GABRG3: variants seen among roughly 807,000 people sequenced by gnomAD.
The protein encoded by GABRG3 is gamma-aminobutyric acid type A receptor subunit gamma3.
GABRG3 carries 25 observed loss-of-function variants against 48.8 expected under a neutral mutation model. That is an observed-to-expected ratio of 0.51 (90% CI 0.37 to 0.72). The LOEUF (loss-of-function observed/expected upper bound fraction) is 0.72, where lower values mean the gene tolerates loss of function less well. Ranked by LOEUF, GABRG3 falls within the 30% of genes least tolerant of loss-of-function variation. The pLI, the probability that GABRG3 is intolerant of heterozygous loss-of-function variation, is 0.00. For missense variants in GABRG3, 394 were observed against 577.9 expected, an observed-to-expected ratio of 0.68 and a Z score of 3.26; for synonymous variants, 227 against 217.6, an observed-to-expected ratio of 1.04 and a Z score of -0.38.
At chr15:27,003,377 C>A (rs866149477) in intron 2 of GABRG3, among the ~76,000 whole-genome samples, 4 of 151,622 alleles carry the variant, frequency 2.6e-5, no homozygotes, top group Non-Finnish European at 4.4e-5. Context: ...CGGCCTTCCG[C>A]AGTGTTTGTG....
intron 3 of GABRG3, among the ~76,000 whole-genome samples, chr15:27,058,252 A>C (rs1048307985): frequency 6.6e-6 from 1 of 152,192 alleles, no homozygotes; most frequent in African/African-American, 2.4e-5. Flanking sequence ...AGGTGTTCCC[A>C]TTTACGGTGC....
At chr15:27,262,155 C>T (rs902384633) in intron 3 of GABRG3, among the ~76,000 whole-genome samples, 1 of 152,120 alleles carries the variant, frequency 6.6e-6, no homozygotes, top group African/African-American at 2.4e-5. Context: ...ACCATGTGTC[C>T]CTGAAGGAGA....
intron 3 of GABRG3, among the ~76,000 whole-genome samples, chr15:27,221,689 C>A (rs979022511): frequency 6.6e-6 from 1 of 152,128 alleles, no homozygotes; most frequent in African/African-American, 2.4e-5. Flanking sequence ...TAGCTGTTTT[C>A]TAGAATGTCT....
intron 3 of GABRG3, among the ~76,000 whole-genome samples, chr15:27,174,584 G>GTCTCTC (rs150022606): frequency 0.041 from 5,751 of 139,644 alleles, 196 homozygotes; most frequent in East Asian, 0.1. Context: ...TCTCTCTCTC[G>GTCTCTC]TCTCTCTCTC....
At chr15:27,346,776 A>G (rs747940831) in intron 5 of GABRG3, among the ~76,000 whole-genome samples, 1 of 151,240 alleles carries the variant, frequency 6.6e-6, no homozygotes, top group Non-Finnish European at 1.5e-5. Flanking sequence ...TTTTTCATTT[A>G]TATCATTTCC....
intron 3 of GABRG3, among the ~76,000 whole-genome samples, chr15:27,264,762 C>A (rs1890867505): frequency 6.6e-6 from 1 of 152,042 alleles, no homozygotes; most frequent in South Asian, 2.1e-4. Context: ...TCAAGCCCTA[C>A]CAAATTAAAA....
rs899248477 is a variant in GABRG3, at chr15:27,236,749, A to C, written c.271-90060A>C. 6.6e-6 allele frequency among the ~76,000 whole-genome samples: 1 copy of C among 151,890 alleles called. No individual in the cohort carries two copies. Among genetic ancestry groups the C allele is most frequent in the Non-Finnish European group, 1.5e-5 (1 of 67,974 alleles). On this transcript the variant is annotated intron_variant, in intron 3 of 9. Transcript: ENST00000615808. This position sits in a 1 kb window ranked among gnomAD's most constrained non-coding sequence, Gnocchi z 4.4. ...ACCGTTTGACATCAGAGGGCCAAAA[A>C]CTCTATCCTCGGATCATGCGAACAC...
At chr15:27,391,349 T>A (rs960905643) in intron 5 of GABRG3, among the ~76,000 whole-genome samples, 1 of 152,172 alleles carries the variant, frequency 6.6e-6, no homozygotes, top group Non-Finnish European at 1.5e-5. Context: ...AGGAGACAGA[T>A]CCCAAAGTGC....
intron 2 of GABRG3, among the ~76,000 whole-genome samples, chr15:26,993,475 A>C (rs1442548588): frequency 6.6e-6 from 1 of 152,058 alleles, no homozygotes. Flanking sequence ...CTAGTCTTTC[A>C]GGGCCATATT....
chr15:27,246,088 G>A (rs1347619211), intron 3 of GABRG3, among the ~76,000 whole-genome samples: 2 of 151,988 alleles, frequency 1.3e-5, no homozygotes, highest in Non-Finnish European at 2.9e-5. Context: ...GCACTCATGA[G>A]GGATCTGCCC....
At chr15:27,079,953 A>ACTCCAC (rs1426912512) in intron 3 of GABRG3, among the ~76,000 whole-genome samples, 2 of 152,166 alleles carry the variant, frequency 1.3e-5, no homozygotes, top group Non-Finnish European at 2.9e-5. Context: ...CTCACTCAGT[A>ACTCCAC]TGCAGAGGTG....
chr15:27,205,749 C>T (rs542571418), intron 3 of GABRG3, among the ~76,000 whole-genome samples: 1 of 151,146 alleles, frequency 6.6e-6, no homozygotes, highest in African/African-American at 2.4e-5. Flanking sequence ...AATTTTGGAA[C>T]TTGTTATTGG....
chr15:27,035,739 C>T (rs145092246), intron 3 of GABRG3, among the ~76,000 whole-genome samples: 5 of 152,278 alleles, frequency 3.3e-5, no homozygotes, highest in South Asian at 4.1e-4. Flanking sequence ...AAGGACAGGA[C>T]GAGGCACTGT....
intron 3 of GABRG3, among the ~76,000 whole-genome samples, chr15:27,228,416 T>TA (rs1172658569): frequency 6.6e-6 from 1 of 152,248 alleles, no homozygotes; most frequent in Non-Finnish European, 1.5e-5. Context: ...TATGGCTGCA[T>TA]AGTATTACAT....
At chr15:27,510,661 T>C (rs1890875386) in intron 6 of GABRG3, among the ~76,000 whole-genome samples, 1 of 152,254 alleles carries the variant, frequency 6.6e-6, no homozygotes, top group African/African-American at 2.4e-5. Flanking sequence ...AGTTACTGAA[T>C]TATATTATAT....
chr15:27,008,221 A>G (rs563002588), intron 2 of GABRG3, among the ~76,000 whole-genome samples: 1 of 152,362 alleles, frequency 6.6e-6, no homozygotes, highest in South Asian at 2.1e-4. Flanking sequence ...GTAAGTATGT[A>G]TTAACCTACT....
At chr15:27,509,015 G>T (rs966121135) in intron 6 of GABRG3, among the ~76,000 whole-genome samples, 2 of 151,914 alleles carry the variant, frequency 1.3e-5, no homozygotes, top group African/African-American at 2.4e-5. Context: ...CACCGTGCCC[G>T]GCTGAATTCC....
chr15:27,530,183 G>A (rs1455670013), intron 9 of GABRG3, among the ~76,000 whole-genome samples: 2 of 152,222 alleles, frequency 1.3e-5, no homozygotes, highest in African/African-American at 4.8e-5. Context: ...CCTGGGGCAA[G>A]CTGTTCCAAT....
At chr15:27,377,260 T>G (rs535056142) in intron 5 of GABRG3, among the ~76,000 whole-genome samples, 1 of 152,332 alleles carries the variant, frequency 6.6e-6, no homozygotes, top group East Asian at 1.9e-4. Flanking sequence ...AGTTCCAAAC[T>G]TTTTCACATT....
Sources: allele counts gnomAD v4.1 joint callset (sites outside exome capture counted in the v4.1 genomes callset), GRCh38; gene constraint gnomAD v4.1.1; non-coding constraint Gnocchi (gnomAD v3.1); transcripts MANE v1.5; gene names NCBI Gene and HGNC (gene_info 2026-07-23, HGNC 2026-07-21).